DEPDC5: variants seen among roughly 807,000 people sequenced by gnomAD.
DEPDC5 encodes GATOR1 complex protein DEPDC5.
Under a neutral mutation model 217.3 loss-of-function variants are expected in DEPDC5, and 73 were observed. The ratio of observed to expected loss-of-function variants is 0.34; its 90% CI spans 0.28 to 0.41. The LOEUF (loss-of-function observed/expected upper bound fraction) is 0.41, where lower values mean the gene tolerates loss of function less well. Ranked by LOEUF, DEPDC5 falls within the 10% of genes least tolerant of loss-of-function variation. The pLI is 1.00. For missense variants in DEPDC5, 1,675 were observed against 2,070.1 expected (o/e 0.81, Z 3.70); for synonymous variants, 733 against 756.7 (o/e 0.97, Z 0.51).
rs573800240 is a variant in DEPDC5 at position 31,802,596 on chromosome 22, A to G, written c.947-108A>G. 9.4e-6 allele frequency: 12 copies of G among 1,281,304 alleles called. No individual in the cohort carries two copies. In the South Asian group the frequency reaches 1.1e-4, roughly 11 times the overall value. The allele number at this position is 1,281,304 out of a possible 1,614,324, so 79.4% of individuals were successfully genotyped here. ...ATTTAACTAGAATGTGGCAGTTGCT[A>G]TAATAAAAATATGGGCAGAATGCTC... On this transcript the variant is annotated intron_variant, in intron 14 of 42. Coordinates refer to ENST00000651528, the MANE Select transcript of DEPDC5 (RefSeq NM_001242896.3).
chr22:31,871,647 T>C (rs1329947997), intron 34 of DEPDC5, among the ~76,000 whole-genome samples: 1 of 152,180 alleles, frequency 6.6e-6, no homozygotes, highest in Non-Finnish European at 1.5e-5. Context: ...GCCCAATGCA[T>C]AGAAAAAATC....
intron 32 of DEPDC5, among the ~76,000 whole-genome samples, chr22:31,860,951 G>A (rs765193904): frequency 3.3e-5 from 5 of 152,144 alleles, no homozygotes; most frequent in Non-Finnish European, 7.3e-5. Flanking sequence ...CTGCTCTGCG[G>A]CCTTTTCATC....
chr22:31,880,503 A>G (rs968561989), intron 38 of DEPDC5, among the ~76,000 whole-genome samples: 5 of 152,218 alleles, frequency 3.3e-5, no homozygotes, highest in Non-Finnish European at 7.3e-5. Context: ...ACATAAACCA[A>G]ACTCCAGGGA....
chr22:31,905,770 A>T (rs1229729750), intron 41 of DEPDC5, among the ~76,000 whole-genome samples: 1 of 151,794 alleles, frequency 6.6e-6, no homozygotes, highest in South Asian at 2.1e-4. Context: ...GCTGGGTGTG[A>T]GGAGGTCTGG....
chr22:31,805,034 A>C, intron 17 of DEPDC5, 119 bp downstream of exon 17: 1 of 939,478 alleles, frequency 1.1e-6, no homozygotes, highest in Admixed American at 2.3e-5. Context: ...GAAAATGTGG[A>C]AACCAAGTTC....
At chr22:31,870,839 G>C in intron 34 of DEPDC5, 95 bp downstream of exon 34, 1 of 1,350,980 alleles carries the variant, frequency 7.4e-7, no homozygotes, top group East Asian at 2.8e-5. Context: ...TCTGGGCCGA[G>C]TTCTGACTCT....
chr22:31,789,868 A>G (rs1482372850), intron 10 of DEPDC5, among the ~76,000 whole-genome samples: 1 of 151,628 alleles, frequency 6.6e-6, no homozygotes, highest in Non-Finnish European at 1.5e-5. Flanking sequence ...CATCCTCCTC[A>G]GTAGTTGGGA....
intron 33 of DEPDC5, among the ~76,000 whole-genome samples, chr22:31,862,071 T>C (rs909165351): frequency 7.9e-5 from 12 of 151,886 alleles, no homozygotes; most frequent in African/African-American, 2.9e-4. Flanking sequence ...AGAAACCCCA[T>C]CTCTACTAAA....
intron 31 of DEPDC5, among the ~76,000 whole-genome samples, chr22:31,854,445 A>G (rs939555149): frequency 6.6e-6 from 1 of 152,258 alleles, no homozygotes; most frequent in Non-Finnish European, 1.5e-5. Context: ...GACAAGGAAA[A>G]TAATCTAGCA....
chr22:31,846,327 G>A (rs1569092498), intron 30 of DEPDC5, among the ~76,000 whole-genome samples: 1 of 152,160 alleles, frequency 6.6e-6, no homozygotes, highest in Non-Finnish European at 1.5e-5. Flanking sequence ...TTAATCACCA[G>A]GGAATGTTCC....
chr22:31,758,241 A>C (rs1192288519), intron 2 of DEPDC5, among the ~76,000 whole-genome samples: 1 of 152,194 alleles, frequency 6.6e-6, no homozygotes, highest in Non-Finnish European at 1.5e-5. Context: ...TTGAGGGGGT[A>C]AAAGGCTGTC....
intron 31 of DEPDC5, among the ~76,000 whole-genome samples, chr22:31,852,729 TA>T (rs61478166): frequency 6.6e-6 from 1 of 152,192 alleles, no homozygotes; most frequent in Non-Finnish European, 1.5e-5. Flanking sequence ...TACTCTTTTT[TA>T]AAAAAACAAA....
intron 2 of DEPDC5, chr22:31,757,235 C>T (rs2082006566): frequency 6.6e-6 from 1 of 152,050 alleles, no homozygotes; most frequent in South Asian, 2.1e-4. Flanking sequence ...GTAGTCACAG[C>T]TACTCAAGAG....
intron 24 of DEPDC5, among the ~76,000 whole-genome samples, chr22:31,826,202 T>C (rs1255445715): frequency 6.6e-6 from 1 of 152,104 alleles, no homozygotes; most frequent in African/African-American, 2.4e-5. Flanking sequence ...AGATGGAGTC[T>C]TGCCATGTTG....
chr22:31,804,222 A>G lies in DEPDC5; in HGVS notation c.1142A>G (p.Lys381Arg), dbSNP rs1464431737. ...EQPLHAVPLF[K>R]LHNRSAPRDS... ...CCGTTACATGCTGTCCCATTGTTCAAGGTAATTAGATTTCGGATTTGTTTA... is the reference window on the plus strand; with the variant it reads ...CCGTTACATGCTGTCCCATTGTTCAGGGTAATTAGATTTCGGATTTGTTTA... Residue 381 changes from lysine (K) to arginine (R), a missense_variant and splice_region_variant, in exon 16 of 43, where the codon AAG becomes AGG. Transcript: ENST00000651528. The G allele has an allele frequency of 3.7e-6, 6 of 1,613,958 alleles. No homozygotes were observed. Among genetic ancestry groups the G allele is most frequent in the South Asian group, 3.3e-5 (3 of 91,086 alleles).
rs376912140 is a variant in DEPDC5 at position 31,879,508 on chromosome 22, C to T, written c.3806-17C>T. On this transcript the variant is annotated splice_polypyrimidine_tract_variant and intron_variant, in intron 37 of 42. Coordinates refer to ENST00000651528, the MANE Select transcript of DEPDC5 (RefSeq NM_001242896.3). ...ATTTGTGTTGAGTACTCCTTCTCTC[C>T]CCTCCACTTTTCCCAGTGGCCATGC... is the stretch of plus-strand genomic sequence containing the variant. The T allele has an allele frequency of 1.4e-5, 23 of 1,604,208 alleles. No homozygotes were observed. In the African/African-American group the frequency reaches 2.9e-4, roughly 20 times the overall value.
At chr22:31,880,190 GTCTCTC>G (rs144285418) in intron 38 of DEPDC5, 1 of 183,796 alleles carries the variant, frequency 5.4e-6, no homozygotes, top group African/African-American at 2.3e-5. Context: ...CAGAGCAAAA[GTCTCTC>G]TCTCTCTCTC....
At chr22:31,873,664 G>A (rs1243842887) in intron 35 of DEPDC5, among the ~76,000 whole-genome samples, 2 of 151,872 alleles carry the variant, frequency 1.3e-5, no homozygotes, top group Non-Finnish European at 2.9e-5. Context: ...TTGATGTAAA[G>A]ATTAAATGAA....
intron 25 of DEPDC5, 58 bp downstream of exon 25, chr22:31,834,038 G>C: frequency 6.4e-7 from 1 of 1,553,866 alleles, no homozygotes; most frequent in Non-Finnish European, 8.9e-7. Flanking sequence ...GGTGGTCAGA[G>C]CATGAGGAAA....
Sources: allele counts gnomAD v4.1 joint callset (sites outside exome capture counted in the v4.1 genomes callset), GRCh38; gene constraint gnomAD v4.1.1; transcripts MANE v1.5; gene names NCBI Gene and HGNC (gene_info 2026-07-23, HGNC 2026-07-21).